The following TMEM114 variants were observed in gnomAD, a reference collection of about 807,000 sequenced individuals.
TMEM114 encodes the protein transmembrane protein 114.
In TMEM114, 6 loss-of-function variants were observed where a neutral mutation model predicts 6.2. The observed-to-expected ratio is 0.97, with a 90% CI of 0.53 to 1.91. The LOEUF is 1.91. TMEM114 is among the 40% of genes most tolerant of loss of function. The pLI, the probability that TMEM114 is intolerant of heterozygous loss-of-function variation, is 0.01. For synonymous variants in TMEM114, 104 were observed against 73.0 expected (o/e 1.42, Z -2.16); for missense variants, 218 against 158.3 (o/e 1.38, Z -2.02).
chr16:8,527,651 T>C, the TMEM114 span, among the ~76,000 whole-genome samples: 1 of 152,196 alleles, frequency 6.6e-6, no homozygotes, highest in Non-Finnish European at 1.5e-5. Context: ...TATTCTCACA[T>C]GGGACCATTG....
At chr16:8,561,256 C>A (rs569591181) in intron 2 of TMEM114, among the ~76,000 whole-genome samples, 3 of 152,248 alleles carry the variant, frequency 2.0e-5, no homozygotes, top group African/African-American at 7.2e-5. Context: ...TTGGGCAACA[C>A]TTATTGAGCT....
In TMEM114 at chr16:8,583,870, G is replaced by A. The variant is rs185973993; in HGVS notation, c.301+5343C>T. Among the ~76,000 whole-genome samples, 156 of 152,244 alleles carry A rather than the reference G, an allele frequency of 1.0e-3. 1 individual carries two copies. The highest frequency in any genetic ancestry group is 8.6e-3 in the Admixed American group (132 of 15,278). On this transcript the variant is annotated intron_variant, in intron 2 of 3. Coordinates refer to ENST00000620492, the MANE Select transcript of TMEM114 (RefSeq NM_001146336.2). ...AGCACCTTGAGCTGCCTGTGATCATGTGACCAATCCTCCCCACCTTCCCAC... is the reference window on the plus strand; with the variant it reads ...AGCACCTTGAGCTGCCTGTGATCATATGACCAATCCTCCCCACCTTCCCAC...
At chr16:8,563,052 A>G (rs1901332355) in intron 2 of TMEM114, among the ~76,000 whole-genome samples, 1 of 26,744 alleles carries the variant, frequency 3.7e-5, no homozygotes, top group Non-Finnish European at 7.3e-5. Context: ...GAGTAAATTG[A>G]GTGAATGAGT....
rs1567213302 is a variant in TMEM114, at chr16:8,590,371, G to A, written c.-533C>T. ...TCTCTGCCTCTGTCTCTGGATTTCC[G>A]CCCCAGCCCTTTTTCTTGGCCCCAC... is the stretch of plus-strand genomic sequence containing the variant. On this transcript the variant is annotated 5_prime_UTR_variant, in exon 1 of 4. Transcript: ENST00000620492. Among the ~76,000 whole-genome samples the A allele has an allele frequency of 6.6e-6, 1 of 151,952 alleles. No homozygotes were observed. The highest frequency in any genetic ancestry group is 1.5e-5 in the Non-Finnish European group (1 of 67,988).
At chr16:8,556,705 G>T (rs934216505) in intron 2 of TMEM114, among the ~76,000 whole-genome samples, 2 of 152,118 alleles carry the variant, frequency 1.3e-5, no homozygotes, top group African/African-American at 4.8e-5. Flanking sequence ...GTTTCACCAT[G>T]TTGGCCAGGC....
chr16:8,584,805 C>T (rs973458862), intron 2 of TMEM114, among the ~76,000 whole-genome samples: 9 of 151,546 alleles, frequency 5.9e-5, no homozygotes, highest in African/African-American at 1.9e-4. Context: ...ATCTGTAATC[C>T]CAGCTACTTG....
chr16:8,538,013 C>A (rs1008939212), intron 2 of TMEM114, among the ~76,000 whole-genome samples: 1 of 150,776 alleles, frequency 6.6e-6, no homozygotes, highest in African/African-American at 2.4e-5. Flanking sequence ...CATTTTTGCC[C>A]TGAGACTGGG....
intron 2 of TMEM114, among the ~76,000 whole-genome samples, chr16:8,576,834 G>T (rs922997077): frequency 6.6e-6 from 1 of 152,178 alleles, no homozygotes; most frequent in African/African-American, 2.4e-5. Context: ...GAGGTACAAA[G>T]TTGGATCAGA....
intron 2 of TMEM114, among the ~76,000 whole-genome samples, chr16:8,545,457 TCATCATCAC>T (rs987390105): frequency 3.9e-5 from 6 of 152,122 alleles, no homozygotes; most frequent in African/African-American, 1.4e-4. Context: ...ATCATCATCA[TCATCATCAC>T]CATCATCACC....
intron 2 of TMEM114, among the ~76,000 whole-genome samples, chr16:8,578,259 G>A (rs1045331701): frequency 6.6e-5 from 10 of 152,066 alleles, no homozygotes. Flanking sequence ...AGTTCTGGAG[G>A]CCAGAAGTAC....
chr16:8,559,403 A>C (rs534881936), intron 2 of TMEM114, among the ~76,000 whole-genome samples: 3 of 131,802 alleles, frequency 2.3e-5, no homozygotes, highest in Non-Finnish European at 4.6e-5. Context: ...CCAACGTCCC[A>C]GCTGTGGAGA....
intron 2 of TMEM114, among the ~76,000 whole-genome samples, chr16:8,588,415 C>T (rs1596316263): frequency 6.6e-6 from 1 of 152,150 alleles, no homozygotes; most frequent in African/African-American, 2.4e-5. Flanking sequence ...AATGACGATA[C>T]TAATAACTTC....
downstream of TMEM114, among the ~76,000 whole-genome samples, chr16:8,565,351 G>A (rs1203619592): frequency 6.6e-6 from 1 of 152,182 alleles, no homozygotes; most frequent in Non-Finnish European, 1.5e-5. Context: ...TGGGTGGCAA[G>A]TGAATAAATG....
At chr16:8,549,571 C>T (rs1209437205) in intron 2 of TMEM114, among the ~76,000 whole-genome samples, 4 of 150,814 alleles carry the variant, frequency 2.7e-5, no homozygotes, top group Non-Finnish European at 1.5e-5. Flanking sequence ...TAAGAAAGTT[C>T]ACATACATTC....
chr16:8,562,749 T>C (rs1901304140), intron 2 of TMEM114, among the ~76,000 whole-genome samples: 1 of 150,604 alleles, frequency 6.6e-6, no homozygotes, highest in Non-Finnish European at 1.5e-5. Flanking sequence ...ACGGAGTAAA[T>C]GAGTGAGTGA....
At position 8,572,097 on chromosome 16, in the gene TMEM114, G is replaced by A; in HGVS notation, c.429C>T (p.Phe143=). The change falls in exon 3 of 4, where the codon TTC becomes TTT. Residue 143 remains phenylalanine (F), a synonymous_variant. Transcript: ENST00000620492. The part of the protein sequence containing the change: ...YLLLLLTGIL[F]LFGAMVTLAG... ...AGGGTGGGCACCTACCTCCAAAGAG[G>A]AAGAGAATTCCAGTGAGCAGGAGGA... 1 of 1,548,818 alleles carries A rather than the reference G, an allele frequency of 6.5e-7. No individual in the cohort carries two copies. Among genetic ancestry groups the A allele is most frequent in the Admixed American group, 2.0e-5 (1 of 50,710 alleles).
intron 2 of TMEM114, among the ~76,000 whole-genome samples, chr16:8,548,600 C>A (rs994006351): frequency 2.0e-5 from 3 of 151,798 alleles, no homozygotes; most frequent in Middle Eastern, 3.4e-3. Flanking sequence ...ACCTTTTTCA[C>A]CCCCTAAGAG....
In TMEM114 at chr16:8,589,807, G is replaced by A. The variant is rs978475664; in HGVS notation, c.32C>T (p.Ala11Val). 2.5e-5 allele frequency: 10 copies of A among 398,466 alleles called. No homozygotes were observed. In the Admixed American group the frequency reaches 3.1e-4, roughly 12 times the overall value. 24.7% of individuals were successfully genotyped at this position (398,466 alleles called of 1,614,324 possible). The change falls in exon 1 of 4, where the codon GCG becomes GTG. Residue 11 changes from alanine to valine, a missense_variant. Ala to Val is a moderately conservative substitution (Grantham distance 64). Coordinates refer to ENST00000620492, the MANE Select transcript of TMEM114 (RefSeq NM_001146336.2). MRVHLGGLAG[A>V]AALTGALSFV... is the part of the protein sequence containing the mutation. ...GCTGAGCGCCCCGGTCAGCGCAGCC[G>A]CGCCGGCCAGCCCGCCCAGGTGCAC...
intron 2 of TMEM114, among the ~76,000 whole-genome samples, chr16:8,580,998 A>G (rs1280690400): frequency 2.6e-5 from 4 of 152,114 alleles, no homozygotes; most frequent in Non-Finnish European, 4.4e-5. Flanking sequence ...AGCCTTTATC[A>G]TACTTTAACA....
Sources: gnomAD v4.1 joint callset for allele counts (sites outside exome capture counted in the v4.1 genomes callset) on GRCh38, gnomAD v4.1.1 for gene constraint, MANE v1.5 for transcripts, NCBI Gene and HGNC (gene_info 2026-07-23, HGNC 2026-07-21) for gene names.